Variants in ALMS1 observed in about 807,000 individuals in gnomAD.
ALMS1 encodes the protein centrosome-associated protein ALMS1.
A neutral mutation model predicts 352.2 loss-of-function variants in ALMS1; 271 were observed. The ratio of observed to expected loss-of-function variants is 0.77; its 90% CI spans 0.70 to 0.85. The LOEUF (loss-of-function observed/expected upper bound fraction) is 0.85. Among genes scored for constraint, ALMS1 ranks in the 40% least tolerant of loss-of-function variants. The probability of loss-of-function intolerance (pLI) is 0.00; values close to 1 mark genes in which losing one functional copy is unlikely to be tolerated. For synonymous variants in ALMS1, 1,865 were observed against 1,761.2 expected (o/e 1.06, Z -1.48); for missense variants, 5,445 against 4,870.7 (o/e 1.12, Z -3.51).
chr2:73,438,583 G>A (rs1671652150), intron 7 of ALMS1, among the ~76,000 whole-genome samples: 1 of 152,158 alleles, frequency 6.6e-6, no homozygotes, highest in South Asian at 2.1e-4. Context: ...TGGGAAATAG[G>A]AAATACAAAT....
chr2:73,574,340 A>G (rs769627831), intron 16 of ALMS1, among the ~76,000 whole-genome samples: 1 of 152,210 alleles, frequency 6.6e-6, no homozygotes, highest in Admixed American at 6.5e-5. Context: ...TGCTCTCCAA[A>G]GAAGGATGCT....
At chr2:73,554,366 T>C (rs1264717976) in intron 13 of ALMS1, among the ~76,000 whole-genome samples, 1 of 151,904 alleles carries the variant, frequency 6.6e-6, no homozygotes, top group Admixed American at 6.6e-5. Context: ...CAGGAATGTG[T>C]AGGTAAATTC....
chr2:73,569,163 C>T (rs751299152), intron 15 of ALMS1, among the ~76,000 whole-genome samples: 26 of 151,852 alleles, frequency 1.7e-4, no homozygotes, highest in Middle Eastern at 6.8e-3. Flanking sequence ...TGCACGTGTG[C>T]ACCACCGCAC....
chr2:73,468,297 A>G (rs1672399059), intron 9 of ALMS1, among the ~76,000 whole-genome samples: 2 of 151,258 alleles, frequency 1.3e-5, no homozygotes. Context: ...AATACACTGT[A>G]TTTATTAATA....
intron 9 of ALMS1, chr2:73,471,018 T>C (rs1369847186): frequency 6.6e-6 from 1 of 151,888 alleles, no homozygotes; most frequent in East Asian, 1.9e-4. Context: ...AGATAGTATA[T>C]AGTTAGATCT....
At chr2:73,462,946 G>A (rs913379658) in intron 9 of ALMS1, 1 of 152,106 alleles carries the variant, frequency 6.6e-6, no homozygotes, top group African/African-American at 2.4e-5. Context: ...GGAGCACCCA[G>A]ATTCATAAAG....
At chr2:73,605,307 T>C (rs1426850147) in intron 21 of ALMS1, among the ~76,000 whole-genome samples, 1 of 152,240 alleles carries the variant, frequency 6.6e-6, no homozygotes, top group Non-Finnish European at 1.5e-5. Flanking sequence ...TCTGACGAGA[T>C]AAGCGGTGGC....
At chr2:73,603,927 C>G (rs1675757323) in intron 21 of ALMS1, 1 of 152,618 alleles carries the variant, frequency 6.6e-6, no homozygotes, top group Non-Finnish European at 1.5e-5. Flanking sequence ...ATCTTTTATT[C>G]TAGCAATCCC....
intron 11 of ALMS1, among the ~76,000 whole-genome samples, chr2:73,521,456 G>A (rs13006151): frequency 6.6e-6 from 1 of 151,934 alleles, no homozygotes; most frequent in Admixed American, 6.6e-5. Flanking sequence ...AGCTATAAAA[G>A]CAGTGCGCGG....
At chr2:73,574,652 T>C (rs574899926) in intron 16 of ALMS1, among the ~76,000 whole-genome samples, 1 of 152,230 alleles carries the variant, frequency 6.6e-6, no homozygotes, top group East Asian at 1.9e-4. Context: ...TAATAGAGTA[T>C]GCTTTTTTTC....
rs565635766 is a variant in ALMS1 at position 73,478,735 on chromosome 2, C to T, written c.7675-10899C>T. ...ATGCAGAACGTGCAGGTTTGTTACA[C>T]AGGTATACATGTGCCATGGTGGTTT... On this transcript the variant is annotated intron_variant, in intron 9 of 22. Coordinates refer to ENST00000613296, the MANE Select transcript of ALMS1 (RefSeq NM_001378454.1). Among the ~76,000 whole-genome samples the T allele has an allele frequency of 5.9e-5, 9 of 151,746 alleles. 1 individual carries two copies. In the East Asian group the frequency reaches 1.7e-3, roughly 29 times the overall value.
chr2:73,430,482 A>C (rs1224277972), intron 6 of ALMS1, among the ~76,000 whole-genome samples: 1 of 152,232 alleles, frequency 6.6e-6, no homozygotes. Context: ...TGAAAGCTGT[A>C]GAAGAAAAAC....
chr2:73,416,217 C>T (rs925978662), intron 2 of ALMS1, among the ~76,000 whole-genome samples: 3 of 152,084 alleles, frequency 2.0e-5, no homozygotes, highest in African/African-American at 7.2e-5. Context: ...GGAGTGCCCT[C>T]TAAAGAAAAA....
intron 9 of ALMS1, among the ~76,000 whole-genome samples, chr2:73,478,774 A>G (rs1437375444): frequency 6.6e-6 from 1 of 151,994 alleles, no homozygotes; most frequent in African/African-American, 2.4e-5. Flanking sequence ...GCACCTATCA[A>G]CCCATCATTT....
rs761324500 is a variant in ALMS1, at chr2:73,572,881, G to A, written c.11004G>A (p.Gln3668=). 1.9e-5 allele frequency: 31 copies of A among 1,613,956 alleles called. No homozygotes were observed. Among genetic ancestry groups the A allele is most frequent in the Non-Finnish European group, 2.4e-5 (28 of 1,180,010 alleles). ...TGAAGGAATGGAGTGGTAGACAACA[G>A]CAGAGAAATAAGCTTCAGAAAAAGA... ...RSVKEWSGRQ[Q]QRNKLQKKKR... is the part of the protein sequence containing the mutation. Residue 3668 remains glutamine, a synonymous_variant, in exon 16 of 23, where the codon CAG becomes CAA. Coordinates refer to ENST00000613296, the MANE Select transcript of ALMS1 (RefSeq NM_001378454.1).
intron 9 of ALMS1, among the ~76,000 whole-genome samples, chr2:73,463,331 T>C (rs550838603): frequency 7.9e-5 from 12 of 152,260 alleles, no homozygotes; most frequent in South Asian, 6.2e-4. Context: ...GGAAACTGAA[T>C]AACCTGCTCC....
chr2:73,473,045 T>C (rs994401176), intron 9 of ALMS1, among the ~76,000 whole-genome samples: 2 of 152,002 alleles, frequency 1.3e-5, no homozygotes, highest in African/African-American at 2.4e-5. Context: ...AAATGCTTTT[T>C]TGTATGCTGA....
chr2:73,573,225 C>G lies in ALMS1; in HGVS notation c.11348C>G (p.Ser3783Cys), dbSNP rs759542975. 3 of 1,612,978 alleles carry G rather than the reference C, an allele frequency of 1.9e-6. No homozygotes were observed. In the East Asian group the frequency reaches 6.7e-5, roughly 36 times the overall value. The part of the protein sequence containing the change: ...VALHERSSSV[S>C]TIDTARLIQA... ...CTGCACGAAAGGAGTAGCTCTGTTT[C>G]CACTATTGACACTGCCCGGCTGATT... The change falls in exon 16 of 23, where the codon TCC becomes TGC. Residue 3783 changes from serine to cysteine, a missense_variant. Physicochemically the swap from Ser to Cys is moderately radical, Grantham distance 112. Transcript: ENST00000613296.
chr2:73,422,761 A>G, intron 3 of ALMS1, 96 bp from the exon 4 acceptor site: 4 of 955,594 alleles, frequency 4.2e-6, no homozygotes, highest in Non-Finnish European at 6.8e-6. Context: ...AGAATTCTCC[A>G]TATGGCAGCA....
Sources: allele counts gnomAD v4.1 joint callset (sites outside exome capture counted in the v4.1 genomes callset), GRCh38; gene constraint gnomAD v4.1.1; transcripts MANE v1.5; gene names NCBI Gene and HGNC (gene_info 2026-07-23, HGNC 2026-07-21).